NRP1: variants seen among roughly 807,000 people sequenced by gnomAD.
The protein encoded by NRP1 is neuropilin 1.
In NRP1, 35 loss-of-function variants were observed where a neutral mutation model predicts 106.7. That is an observed-to-expected ratio of 0.33 (90% confidence interval 0.25 to 0.43). The LOEUF (loss-of-function observed/expected upper bound fraction) is 0.43, where lower values mean the gene tolerates loss of function less well. Among genes scored for constraint, NRP1 ranks in the 20% least tolerant of loss-of-function variants. The probability of loss-of-function intolerance (pLI) is 1.00; values close to 1 mark genes in which losing one functional copy is unlikely to be tolerated. For synonymous variants in NRP1, 437 were observed against 417.9 expected, an observed-to-expected ratio of 1.05 and a Z score of -0.56; for missense variants, 1,024 against 1,170.4, an observed-to-expected ratio of 0.87 and a Z score of 1.83.
chr10:33,279,389 G>T (rs531070765), intron 2 of NRP1, among the ~76,000 whole-genome samples: 1 of 152,180 alleles, frequency 6.6e-6, no homozygotes, highest in Non-Finnish European at 1.5e-5. Context: ...CAGCTGCAGG[G>T]CTGAAGCCTC....
At chr10:33,319,522 A>G (rs1199993124) in intron 2 of NRP1, among the ~76,000 whole-genome samples, 6 of 150,042 alleles carry the variant, frequency 4.0e-5, no homozygotes, top group Non-Finnish European at 3.0e-5. Flanking sequence ...CCTCCTCACA[A>G]TAAATCTTGC....
intron 6 of NRP1, among the ~76,000 whole-genome samples, chr10:33,243,827 T>G (rs17413155): frequency 0.14 from 21,576 of 152,076 alleles, 1,681 homozygotes; most frequent in Middle Eastern, 0.24. Context: ...ATTTTAAAAT[T>G]TAATCTACTT....
At chr10:33,302,642 G>A (rs1040451447) in intron 2 of NRP1, among the ~76,000 whole-genome samples, 1 of 152,140 alleles carries the variant, frequency 6.6e-6, no homozygotes, top group African/African-American at 2.4e-5. Context: ...TGAGGAGGTA[G>A]GGCTTGGAGA....
chr10:33,195,456 G>A (rs1416180657), intron 12 of NRP1: 1 of 531,872 alleles, frequency 1.9e-6, no homozygotes, highest in African/African-American at 1.9e-5. Flanking sequence ...ATATTGATGA[G>A]AATCAGCAAG....
In NRP1 at chr10:33,226,179, G is replaced by A. The variant is rs1285159309; in HGVS notation, c.1092C>T (p.Ser364=). ...YVKTYKIDVS[S]NGEDWITIKE... ...TTATGGTGATCCAGTCTTCCCCGTT[G>A]GAGCTAACGTCGATCTTGTAAGTCT... The change falls in exon 7 of 17, where the codon TCC becomes TCT. Residue 364 remains serine (S), a synonymous_variant. Coordinates refer to ENST00000374867, the MANE Select transcript of NRP1 (RefSeq NM_003873.7). 1 of 1,614,180 alleles carries A rather than the reference G, an allele frequency of 6.2e-7. No homozygotes were observed. The highest frequency in any genetic ancestry group is 1.7e-5 in the Admixed American group (1 of 60,024).
At chr10:33,234,434 A>T (rs1446421513) in intron 6 of NRP1, among the ~76,000 whole-genome samples, 1 of 152,196 alleles carries the variant, frequency 6.6e-6, no homozygotes, top group Non-Finnish European at 1.5e-5. Context: ...CAGTAATAAT[A>T]ATTAAATCCA....
At chr10:33,325,443 C>T (rs1847820326) in intron 2 of NRP1, among the ~76,000 whole-genome samples, 1 of 151,952 alleles carries the variant, frequency 6.6e-6, no homozygotes, top group Admixed American at 6.6e-5. Context: ...AAGATTAAAA[C>T]AGAAAATATT....
At chr10:33,319,616 TC>T (rs1424790754) in intron 2 of NRP1, among the ~76,000 whole-genome samples, 11 of 143,768 alleles carry the variant, frequency 7.7e-5, no homozygotes, top group Non-Finnish European at 1.1e-4. Context: ...AGACAGTGTC[TC>T]CTTCTGTTGC....
At chr10:33,216,286 T>C (rs181216768) in intron 8 of NRP1, among the ~76,000 whole-genome samples, 378 of 151,764 alleles carry the variant, frequency 2.5e-3, no homozygotes, top group Middle Eastern at 6.8e-3. Flanking sequence ...TCCAGGCGCC[T>C]GCCACCACGC....
intron 2 of NRP1, among the ~76,000 whole-genome samples, chr10:33,291,338 G>A (rs866310291): frequency 1.3e-5 from 2 of 152,134 alleles, no homozygotes; most frequent in Admixed American, 6.5e-5. Flanking sequence ...TACACAGCCC[G>A]GAGTTCACAT....
intron 5 of NRP1, among the ~76,000 whole-genome samples, chr10:33,255,909 T>A (rs1028548): frequency 0.31 from 46,483 of 152,016 alleles, 7,479 homozygotes; most frequent in East Asian, 0.52. Context: ...ACTGTGCATT[T>A]CCCATACTTC....
chr10:33,191,429 C>A (rs1190785250), intron 13 of NRP1, among the ~76,000 whole-genome samples: 1 of 152,174 alleles, frequency 6.6e-6, no homozygotes, highest in East Asian at 1.9e-4. Flanking sequence ...CACCGTCTTT[C>A]CCCACCTCCC....
chr10:33,319,617 C>T (rs1443633356), intron 2 of NRP1, among the ~76,000 whole-genome samples: 52 of 139,838 alleles, frequency 3.7e-4, no homozygotes, highest in African/African-American at 1.3e-3. Flanking sequence ...GACAGTGTCT[C>T]CTTCTGTTGC....
At chr10:33,265,034 C>T (rs1842831036) in intron 3 of NRP1, among the ~76,000 whole-genome samples, 1 of 151,602 alleles carries the variant, frequency 6.6e-6, no homozygotes, top group Admixed American at 6.6e-5. Flanking sequence ...TGCTTGAACC[C>T]GGGAGGCAGA....
intron 3 of NRP1, among the ~76,000 whole-genome samples, chr10:33,267,743 G>T (rs1007092759): frequency 6.6e-6 from 1 of 152,158 alleles, no homozygotes; most frequent in African/African-American, 2.4e-5. Context: ...GGAAATAAAT[G>T]TAGGGCTGGT....
chr10:33,199,616 T>C (rs1381921223), intron 11 of NRP1, among the ~76,000 whole-genome samples: 2 of 151,488 alleles, frequency 1.3e-5, no homozygotes, highest in Non-Finnish European at 2.9e-5. Flanking sequence ...GGTTTGCTGT[T>C]ATTACGTAGG....
intron 4 of NRP1, among the ~76,000 whole-genome samples, chr10:33,257,282 G>GA (rs1304164341): frequency 6.6e-6 from 1 of 152,070 alleles, no homozygotes; most frequent in Admixed American, 6.6e-5. Context: ...TGCACACCAG[G>GA]AAAAAAAGTG....
chr10:33,180,506 G>A, intron 16 of NRP1, 141 bp from the exon 17 acceptor site: 1 of 828,808 alleles, frequency 1.2e-6, no homozygotes, highest in Non-Finnish European at 1.9e-6. Flanking sequence ...GTTGGGAACA[G>A]AAGTGTGGGA....
intron 2 of NRP1, among the ~76,000 whole-genome samples, chr10:33,293,925 C>A (rs568860307): frequency 6.6e-6 from 1 of 152,162 alleles, no homozygotes; most frequent in South Asian, 2.1e-4. Flanking sequence ...AGTCATAGCA[C>A]GGATAATGTG....
Sources: allele counts gnomAD v4.1 joint callset (sites outside exome capture counted in the v4.1 genomes callset), GRCh38; gene constraint gnomAD v4.1.1; transcripts MANE v1.5; gene names NCBI Gene and HGNC (gene_info 2026-07-23, HGNC 2026-07-21).